UBR4: variants seen among roughly 807,000 people sequenced by gnomAD.
The protein encoded by UBR4 is ubiquitin protein ligase E3 component n-recognin 4.
In UBR4, 124 loss-of-function variants were observed where a neutral mutation model predicts 575.6. The ratio of observed to expected loss-of-function variants is 0.22; its 90% CI spans 0.19 to 0.25. The LOEUF (loss-of-function observed/expected upper bound fraction) is 0.25. UBR4 is among the 10% of genes least tolerant of loss of function. UBR4 has a pLI of 1.00. For synonymous variants in UBR4, 2,455 were observed against 2,473.7 expected (o/e 0.99, Z 0.22); for missense variants, 4,818 against 6,478.8 (o/e 0.74, Z 8.80).
chr1:19,177,233 G>A (rs2090364052), intron 19 of UBR4, among the ~76,000 whole-genome samples: 1 of 152,152 alleles, frequency 6.6e-6, no homozygotes, highest in Non-Finnish European at 1.5e-5. Flanking sequence ...TTTGAACACA[G>A]CCTACATTCC....
chr1:19,101,786 A>G (rs1224957407), intron 87 of UBR4, 145 bp from the exon 88 acceptor site: 2 of 1,329,536 alleles, frequency 1.5e-6, no homozygotes, highest in Non-Finnish European at 2.0e-6. Context: ...CAATAGTTCA[A>G]ATTGGAAATT....
chr1:19,146,752 G>A, intron 52 of UBR4, 74 bp downstream of exon 52: 11 of 1,528,040 alleles, frequency 7.2e-6, no homozygotes, highest in Non-Finnish European at 9.7e-6. Context: ...AGGCCAGTAA[G>A]AACAGTAAGA....
rs745350331 is a variant in UBR4 at position 19,081,509 on chromosome 1, A to G, written c.15073T>C (p.Trp5025Arg). ...TCCACTTCAAAGGCACTCTCCACCC[A>G]CTTCTCCTTGGGCTGTTCCAGAAAG... ...QGFLEQPKEK[W>R]VESAFEVDGP... The change falls in exon 103 of 106, where the codon TGG becomes CGG. Residue 5025 changes from tryptophan (W) to arginine (R), a missense_variant. Physicochemically the swap from Trp to Arg is moderately radical, Grantham distance 101 (BLOSUM62 -3). This residue lies in a region of UBR4 where 212 missense variants were observed against 221.3 expected (regional missense o/e 0.96). Coordinates refer to ENST00000375254, the MANE Select transcript of UBR4 (RefSeq NM_020765.3). The G allele has an allele frequency of 1.2e-6, 2 of 1,613,590 alleles. No individual in the cohort carries two copies. Among genetic ancestry groups the G allele is most frequent in the Non-Finnish European group, 1.7e-6 (2 of 1,179,936 alleles).
In UBR4 at chr1:19,185,296, GAAAGAT is replaced by G. The variant is rs758492561; in HGVS notation, c.1751-16_1751-11del. 1.7e-5 allele frequency: 26 copies of G among 1,520,142 alleles called. No homozygotes were observed. In the African/African-American group the frequency reaches 2.1e-4, roughly 12 times the overall value. The allele number at this position is 1,520,142 out of a possible 1,614,324, so 94.2% of individuals were successfully genotyped here. On this transcript the variant is annotated splice_polypyrimidine_tract_variant and intron_variant, in intron 14 of 105. Coordinates refer to ENST00000375254, the MANE Select transcript of UBR4 (RefSeq NM_020765.3). ...GGCTCACTGTCATCGTCTGAATAGA[GAAAGAT>G]AAAGTAACGAAAATAAATATTTTTT...
intron 26 of UBR4, 105 bp downstream of exon 26, chr1:19,170,657 T>G: frequency 6.7e-7 from 1 of 1,484,808 alleles, no homozygotes. Context: ...ACAAAAAGGC[T>G]CCAATAAATA....
intron 103 of UBR4, chr1:19,080,212 G>A (rs1012163674): frequency 6.6e-6 from 1 of 152,172 alleles, no homozygotes; most frequent in Non-Finnish European, 1.5e-5. Flanking sequence ...AGGCTCTTGG[G>A]AAATACTGGA....
In UBR4 at chr1:19,093,634, G is replaced by A; in HGVS notation, c.13938-148C>T. ...CAAAGACCTATCTGCCCCGGCTCCT[G>A]CCACTCTCCCTGTTTACCTGCTATG... On this transcript the variant is annotated intron_variant, in intron 95 of 105. Transcript: ENST00000375254. This position sits in a 1 kb window ranked among gnomAD's most constrained non-coding sequence, Gnocchi z 4.8. 1 of 901,326 alleles carries A rather than the reference G, an allele frequency of 1.1e-6. No homozygotes were observed. The highest frequency in any genetic ancestry group is 1.7e-6 in the Non-Finnish European group (1 of 605,268). 55.8% of individuals were successfully genotyped at this position (901,326 alleles called of 1,614,324 possible).
chr1:19,156,882 G>C lies in UBR4; in HGVS notation c.5804C>G (p.Ser1935Cys). 6.2e-7 allele frequency: 1 copy of C among 1,614,132 alleles called. No individual in the cohort carries two copies. The highest frequency in any genetic ancestry group is 8.5e-7 in the Non-Finnish European group (1 of 1,179,996). The change falls in exon 41 of 106, where the codon TCC becomes TGC. Residue 1935 changes from serine (S) to cysteine (C), a missense_variant. Physicochemically the swap from Ser to Cys is moderately radical, Grantham distance 112. Transcript: ENST00000375254. ...GGTCAGAGTTAACTTCCTTTTGCTG[G>C]AATCTGCTTGCTTCAGGAGTGCAGA... is the stretch of plus-strand genomic sequence containing the variant. ...QLSALLKQAD[S>C]SKRKLTLTRL...
Position 19,074,524 on chromosome 1 carries a change from T to C in UBR4, c.*308A>G, listed in dbSNP as rs894661549. The C allele has an allele frequency of 1.7e-5, 7 of 414,192 alleles. No individual in the cohort carries two copies. Among genetic ancestry groups the C allele is most frequent in the Non-Finnish European group, 2.7e-5 (6 of 221,954 alleles). The allele number at this position is 414,192 out of a possible 1,614,324, so 25.7% of individuals were successfully genotyped here. A position where few individuals can be genotyped will look rare whatever the true frequency, so the allele number is the denominator to read the frequency against. On this transcript the variant is annotated 3_prime_UTR_variant, in exon 106 of 106. Coordinates refer to ENST00000375254, the MANE Select transcript of UBR4 (RefSeq NM_020765.3). ...CAACACCTTCCTTTTCAATGTGTGT[T>C]AAGTCACTTGTTTATTTCTCAAGAT...
intron 25 of UBR4, 46 bp downstream of exon 25, chr1:19,172,818 G>A (rs752070919): frequency 2.0e-5 from 31 of 1,548,216 alleles, no homozygotes; most frequent in Admixed American, 5.0e-5. Flanking sequence ...GGATCTGCAC[G>A]GAGTGAAGAG....
chr1:19,092,240 G>A (rs951719290), intron 97 of UBR4, among the ~76,000 whole-genome samples: 2 of 152,100 alleles, frequency 1.3e-5, no homozygotes, highest in African/African-American at 4.8e-5. Context: ...TGTTACCACT[G>A]GGGGAGAGTG....
In UBR4 at chr1:19,104,240, C is replaced by T. The variant is rs968970686; in HGVS notation, c.12745G>A (p.Val4249Ile). Residue 4249 changes from valine (V) to isoleucine (I), a missense_variant, in exon 87 of 106, where the codon GTT becomes ATT. By Grantham distance (29) the Val-to-Ile change is conservative. Transcript: ENST00000375254. ...TGTCTTTTGATGGATTCCACCTCAA[C>T]AAAGGAGGAGAGAAGGCCTGTGGAG... is the stretch of plus-strand genomic sequence containing the variant. ...KSLTGLLSSF[V>I]EVESIKRHFK... is the part of the protein sequence containing the mutation. The T allele has an allele frequency of 6.2e-7, 1 of 1,614,204 alleles. No homozygotes were observed. The highest frequency in any genetic ancestry group is 8.5e-7 in the Non-Finnish European group (1 of 1,180,042).
intron 17 of UBR4, among the ~76,000 whole-genome samples, chr1:19,182,973 G>C (rs1455946671): frequency 6.6e-6 from 1 of 152,168 alleles, no homozygotes; most frequent in Non-Finnish European, 1.5e-5. Flanking sequence ...TAGGATTCAA[G>C]ACATCAGCTA....
intron 8 of UBR4, among the ~76,000 whole-genome samples, chr1:19,194,812 T>C (rs934754379): frequency 1.3e-5 from 2 of 152,020 alleles, no homozygotes; most frequent in Admixed American, 6.6e-5. Context: ...AAAAAAATTA[T>C]AATTAAATAA....
intron 97 of UBR4, among the ~76,000 whole-genome samples, chr1:19,090,923 C>T (rs2077443042): frequency 6.6e-6 from 1 of 151,900 alleles, no homozygotes; most frequent in East Asian, 1.9e-4. Context: ...GGTGAAACCC[C>T]GAGTCTACTA....
chr1:19,175,141 A>ATT, intron 20 of UBR4, 108 bp from the exon 21 acceptor site: 1 of 1,042,662 alleles, frequency 9.6e-7, no homozygotes, highest in Non-Finnish European at 1.4e-6. Context: ...TCCCAACCTT[A>ATT]ACAATATTGA....
At position 19,173,522 on chromosome 1, in the gene UBR4, G is replaced by C; in HGVS notation, c.3082C>G (p.Pro1028Ala). Reference protein sequence around the residue: ...TYINQLSMNSPEMSECDILHT... With the variant: ...TYINQLSMNSAEMSECDILHT... ...AAGATGTCACATTCGCTCATCTCAG[G>C]TGAGTTCATGGATAGCTGGTTAATG... The change falls in exon 23 of 106, where the codon CCT (proline) becomes GCT (alanine). Residue 1028 changes from proline to alanine, a missense_variant. Physicochemically the swap from Pro to Ala is conservative, Grantham distance 27. Around this residue, in one of 29 missense-constraint regions of UBR4, gnomAD observed 1,172 missense variants for 1,259.7 expected, o/e 0.93. Transcript: ENST00000375254. 6.2e-7 allele frequency: 1 copy of C among 1,614,172 alleles called. No individual in the cohort carries two copies. Among genetic ancestry groups the C allele is most frequent in the South Asian group, 1.1e-5 (1 of 91,080 alleles).
chr1:19,132,239 T>A (rs934563245), intron 60 of UBR4, among the ~76,000 whole-genome samples: 4 of 152,132 alleles, frequency 2.6e-5, no homozygotes, highest in African/African-American at 9.7e-5. Context: ...TGGAGTGCAG[T>A]GGCGTGATCT....
chr1:19,100,094 GAGGCAATAAC>G lies in UBR4; in HGVS notation c.13221+272_13221+281del, dbSNP rs2078473954. 6.2e-6 allele frequency: 3 copies of G among 483,524 alleles called. No homozygotes were observed. Among genetic ancestry groups the G allele is most frequent in the African/African-American group, 5.8e-5 (3 of 51,572 alleles). The allele number at this position is 483,524 out of a possible 1,614,324, so 30.0% of individuals were successfully genotyped here. On this transcript the variant is annotated intron_variant, in intron 89 of 105. Transcript: ENST00000375254. This position sits in a 1 kb window ranked among gnomAD's most constrained non-coding sequence, Gnocchi z 4.2. The stretch of plus-strand genomic sequence containing the variant: ...CAGACTCACCGAGAAGTCTCTGCCA[GAGGCAATAAC>G]GATAATAAATACCCACCACCACTAC...
Sources: allele counts gnomAD v4.1 joint callset (sites outside exome capture counted in the v4.1 genomes callset), GRCh38; gene constraint gnomAD v4.1.1; regional missense constraint gnomAD v4.1.1; non-coding constraint Gnocchi (gnomAD v3.1); transcripts MANE v1.5; gene names NCBI Gene and HGNC (gene_info 2026-07-23, HGNC 2026-07-21).